The following UST variants were observed in gnomAD, a reference collection of about 807,000 sequenced individuals.
The protein encoded by UST is chondroitin sulfate 2-O-sulfotransferase.
Under a neutral mutation model 45.6 loss-of-function variants are expected in UST, and 21 were observed. The observed-to-expected ratio is 0.46, with a 90% CI of 0.33 to 0.66. The LOEUF (loss-of-function observed/expected upper bound fraction) is 0.66, where lower values mean the gene tolerates loss of function less well. Ranked by LOEUF, UST falls within the 30% of genes least tolerant of loss-of-function variation. The pLI, the probability that UST is intolerant of heterozygous loss-of-function variation, is 0.02. For synonymous variants in UST, 215 were observed against 200.6 expected (o/e 1.07, Z -0.61); for missense variants, 463 against 512.4 (o/e 0.90, Z 0.93).
chr6:148,916,579 A>G (rs910153640), intron 2 of UST, among the ~76,000 whole-genome samples: 1 of 152,080 alleles, frequency 6.6e-6, no homozygotes, highest in Non-Finnish European at 1.5e-5. Context: ...GGGCAACCTT[A>G]GGCCCTAGAA....
chr6:149,074,121 A>G lies in UST; in HGVS notation c.*5A>G. 1 of 1,613,202 alleles carries G rather than the reference A, an allele frequency of 6.2e-7. No individual in the cohort carries two copies. ...GAAGATATTTATAAGAGGTGATGTG[A>G]CTGTGTTGCCTCTATGGCTTTATCT... is the stretch of plus-strand genomic sequence containing the variant. On this transcript the variant is annotated 3_prime_UTR_variant, in exon 8 of 8. Coordinates refer to ENST00000367463, the MANE Select transcript of UST (RefSeq NM_005715.3).
intron 5 of UST, among the ~76,000 whole-genome samples, chr6:148,991,624 C>T (rs999325627): frequency 6.6e-6 from 1 of 150,610 alleles, no homozygotes; most frequent in Non-Finnish European, 1.5e-5. Context: ...TCAACTGTTA[C>T]TGGAGATGTC....
intron 2 of UST, among the ~76,000 whole-genome samples, chr6:148,911,713 A>G (rs1262320014): frequency 1.9e-5 from 2 of 107,820 alleles, no homozygotes; most frequent in African/African-American, 7.2e-5. Flanking sequence ...TAATTATCAG[A>G]AAAAAAAAAA....
intron 7 of UST, among the ~76,000 whole-genome samples, chr6:149,064,885 T>C: frequency 9.1e-6 from 1 of 110,380 alleles, no homozygotes. Context: ...AACAACTGAA[T>C]CCATTTCTAA....
chr6:148,997,961 GC>G (rs1297543867), intron 5 of UST, among the ~76,000 whole-genome samples: 1 of 152,152 alleles, frequency 6.6e-6, no homozygotes, highest in East Asian at 1.9e-4. Flanking sequence ...CCACAAACAT[GC>G]TGTTTATACC....
At chr6:148,827,100 A>G (rs753956335) in intron 1 of UST, among the ~76,000 whole-genome samples, 4 of 152,230 alleles carry the variant, frequency 2.6e-5, no homozygotes, top group Non-Finnish European at 5.9e-5. Flanking sequence ...ATACCGCCTG[A>G]AATGCAGAAG....
intron 1 of UST, among the ~76,000 whole-genome samples, chr6:148,800,326 G>A: frequency 6.6e-6 from 1 of 152,228 alleles, no homozygotes; most frequent in Admixed American, 6.5e-5. Context: ...AGTCAGAACT[G>A]AAGGTTCCCT....
At chr6:149,049,227 A>G (rs1484933299) in intron 7 of UST, among the ~76,000 whole-genome samples, 1 of 152,250 alleles carries the variant, frequency 6.6e-6, no homozygotes, top group Non-Finnish European at 1.5e-5. Flanking sequence ...TCCTCACAGG[A>G]TAGTTTACCA....
chr6:149,069,687 T>C (rs1195763203), intron 7 of UST, among the ~76,000 whole-genome samples: 1 of 152,230 alleles, frequency 6.6e-6, no homozygotes, highest in Admixed American at 6.5e-5. Flanking sequence ...AGTAACCTTA[T>C]GGCAGTTGAC....
rs1562304829 is a variant in UST, at chr6:148,934,110, A to G, written c.292-7169A>G. ...AGAAGAAAATATCATTTATTGGGTTATAACCTAACTTTCCCCTTTTTATAA... is the reference window on the plus strand; with the variant it reads ...AGAAGAAAATATCATTTATTGGGTTGTAACCTAACTTTCCCCTTTTTATAA... On this transcript the variant is annotated intron_variant, in intron 2 of 7. Transcript: ENST00000367463. The surrounding 1 kb of genome is among the most constrained non-coding windows in gnomAD (Gnocchi z 4.1). Among the ~76,000 whole-genome samples, 1 of 152,230 alleles carries G rather than the reference A, an allele frequency of 6.6e-6. No homozygotes were observed. The highest frequency in any genetic ancestry group is 1.5e-5 in the Non-Finnish European group (1 of 68,046).
chr6:148,862,594 G>C (rs372312413), intron 1 of UST, among the ~76,000 whole-genome samples: 1 of 152,158 alleles, frequency 6.6e-6, no homozygotes. Flanking sequence ...TTCTAGCATC[G>C]ATGGTCTTTA....
intron 7 of UST, among the ~76,000 whole-genome samples, chr6:149,051,889 G>T (rs983958503): frequency 1.3e-5 from 2 of 152,224 alleles, no homozygotes; most frequent in Non-Finnish European, 2.9e-5. Flanking sequence ...ATAGAAAAGA[G>T]ATAGTACTAC....
In UST at chr6:149,019,205, C is replaced by G; in HGVS notation, c.748C>G (p.Pro250Ala). 6.2e-7 allele frequency: 1 copy of G among 1,614,014 alleles called. No homozygotes were observed. Among genetic ancestry groups the G allele is most frequent in the East Asian group, 2.2e-5 (1 of 44,878 alleles). ...CAACCCCAGGTTATTTTACATCATT[C>G]CGTACTTTTGTGGACAGCATCCCAG... ...CSNPRLFYIIPYFCGQHPRCR... is the reference protein window; with the variant it reads ...CSNPRLFYIIAYFCGQHPRCR... Residue 250 changes from proline (P) to alanine (A), a missense_variant, in exon 6 of 8, where the codon CCG (proline) becomes GCG (alanine). This residue lies in a region of UST where 287 missense variants were observed against 374.2 expected (regional missense o/e 0.77). Transcript: ENST00000367463.
chr6:148,916,354 A>T (rs9390633), intron 2 of UST, among the ~76,000 whole-genome samples: 38 of 152,120 alleles, frequency 2.5e-4, no homozygotes, highest in African/African-American at 8.9e-4. Context: ...CCACCGTAAC[A>T]CATATCCTCC....
At chr6:148,941,816 A>G (rs1158011081) in intron 3 of UST, among the ~76,000 whole-genome samples, 1 of 152,116 alleles carries the variant, frequency 6.6e-6, no homozygotes, top group Non-Finnish European at 1.5e-5. Context: ...TTTTCTCACC[A>G]ATGTCCAGGA....
intron 2 of UST, among the ~76,000 whole-genome samples, chr6:148,920,372 C>G (rs1295477916): frequency 6.6e-6 from 1 of 152,114 alleles, no homozygotes; most frequent in African/African-American, 2.4e-5. Context: ...CAGCCTCGCC[C>G]CCACCACTCC....
At chr6:148,940,915 T>A (rs1194170496) in intron 2 of UST, among the ~76,000 whole-genome samples, 1 of 152,266 alleles carries the variant, frequency 6.6e-6, no homozygotes, top group Non-Finnish European at 1.5e-5. Context: ...CACTTCTTGA[T>A]CACTCTGTAA....
At chr6:148,929,752 C>T (rs1779887246) in intron 2 of UST, among the ~76,000 whole-genome samples, 2 of 152,146 alleles carry the variant, frequency 1.3e-5, no homozygotes, top group South Asian at 2.1e-4. Flanking sequence ...CAGAGAAGTT[C>T]TTTAGCCATG....
At chr6:148,824,278 G>A (rs1204736498) in intron 1 of UST, among the ~76,000 whole-genome samples, 1 of 152,212 alleles carries the variant, frequency 6.6e-6, no homozygotes, top group Non-Finnish European at 1.5e-5. Flanking sequence ...AACCCTGGGT[G>A]TTACCTAGCT....
Sources: gnomAD v4.1 joint callset for allele counts (sites outside exome capture counted in the v4.1 genomes callset) on GRCh38, gnomAD v4.1.1 for gene constraint, gnomAD v4.1.1 regional missense constraint, Gnocchi (gnomAD v3.1) non-coding constraint, MANE v1.5 for transcripts, NCBI Gene and HGNC (gene_info 2026-07-23, HGNC 2026-07-21) for gene names.